Variants in HNRNPF observed in about 807,000 individuals in gnomAD.
HNRNPF encodes HnRNP F protein.
HNRNPF carries 2 observed loss-of-function variants against 26.0 expected under a neutral mutation model. The ratio of observed to expected loss-of-function variants is 0.08; its 90% CI spans 0.03 to 0.24. The LOEUF (loss-of-function observed/expected upper bound fraction) is 0.24. Ranked by LOEUF, HNRNPF falls within the 10% of genes least tolerant of loss-of-function variation. The pLI is 1.00. For missense variants in HNRNPF, 299 were observed against 539.2 expected (o/e 0.55, Z 4.41); for synonymous variants, 234 against 211.5 (o/e 1.11, Z -0.92).
Position 43,387,294 on chromosome 10 carries a change from G to C in HNRNPF, c.591C>G (p.Pro197=). 4 of 1,614,238 alleles carry C rather than the reference G, an allele frequency of 2.5e-6. No individual in the cohort carries two copies. Among genetic ancestry groups the C allele is most frequent in the Non-Finnish European group, 3.4e-6 (4 of 1,180,044 alleles). Residue 197 remains proline (P), a synonymous_variant, in exon 4 of 4, where the codon CCC becomes CCG. Transcript: ENST00000682386. This position sits in a 1 kb window ranked among gnomAD's most constrained non-coding sequence, Gnocchi z 6.0. ...GCTGCACGGACATGAACTTCAGAGG[G>C]GGATCTGAGTATGACCTAACTTCCT... ...SQEEVRSYSD[P]PLKFMSVQRP...
At chr10:43,399,527 A>G (rs1195957974) in intron 1 of HNRNPF, among the ~76,000 whole-genome samples, 2 of 152,204 alleles carry the variant, frequency 1.3e-5, no homozygotes, top group African/African-American at 4.8e-5. Context: ...ATAGCCTTAA[A>G]GGCCTGGTTT....
chr10:43,386,616 ACTCAAATGTTC>A lies in HNRNPF; in HGVS notation c.*10_*20del. The A allele has an allele frequency of 6.6e-7, 1 of 1,516,740 alleles. No individual in the cohort carries two copies. Among genetic ancestry groups the A allele is most frequent in the Non-Finnish European group, 8.8e-7 (1 of 1,136,816 alleles). 94.0% of individuals were successfully genotyped at this position (1,516,740 alleles called of 1,614,324 possible). A position where few individuals can be genotyped will look rare whatever the true frequency, so the allele number is the denominator to read the frequency against. On this transcript the variant is annotated 3_prime_UTR_variant, in exon 4 of 4. Coordinates refer to ENST00000682386, the MANE Select transcript of HNRNPF (RefSeq NM_001098204.2). ...GCTGCCTGTGAAAATGATTGAAGTA[ACTCAAATGTTC>A]CTAACAAAACTAGTCATAGCCACCC... is the stretch of plus-strand genomic sequence containing the variant.
At chr10:43,407,737 T>C (rs895142741) in intron 1 of HNRNPF, 1 of 151,264 alleles carries the variant, frequency 6.6e-6, no homozygotes, top group African/African-American at 2.4e-5. Context: ...AGGAGACCAA[T>C]ACAGGGACCG....
At chr10:43,388,761 A>C (rs1014615772) in intron 3 of HNRNPF, among the ~76,000 whole-genome samples, 6 of 152,214 alleles carry the variant, frequency 3.9e-5, no homozygotes, top group Non-Finnish European at 7.3e-5. Context: ...AGGGTGGTAC[A>C]TGGCACCTGA....
In HNRNPF at chr10:43,387,971, G is replaced by A; in HGVS notation, c.-52-35C>T. On this transcript the variant is annotated intron_variant, in intron 3 of 3. Transcript: ENST00000682386. This position sits in a 1 kb window ranked among gnomAD's most constrained non-coding sequence, Gnocchi z 6.0. ...AAAAAAAGAAAAATTTATTTAGTAT[G>A]CAACAGAAATTTTCCCCATTTTACA... 1 of 1,174,052 alleles carries A rather than the reference G, an allele frequency of 8.5e-7. No individual in the cohort carries two copies. The highest frequency in any genetic ancestry group is 2.6e-5 in the Admixed American group (1 of 38,360). 72.7% of individuals were successfully genotyped at this position (1,174,052 alleles called of 1,614,324 possible).
chr10:43,390,989 C>T (rs1838221669), intron 3 of HNRNPF, among the ~76,000 whole-genome samples: 1 of 152,028 alleles, frequency 6.6e-6, no homozygotes, highest in South Asian at 2.1e-4. Context: ...TAATGCTGCC[C>T]CCAAGTTGTG....
chr10:43,395,495 C>T (rs772411310), intron 2 of HNRNPF, among the ~76,000 whole-genome samples: 1 of 152,154 alleles, frequency 6.6e-6, no homozygotes, highest in Non-Finnish European at 1.5e-5. Flanking sequence ...GTAAAACCAG[C>T]TAATTATGCT....
chr10:43,406,856 C>A (rs1385936751), intron 1 of HNRNPF, among the ~76,000 whole-genome samples: 1 of 152,078 alleles, frequency 6.6e-6, no homozygotes, highest in Non-Finnish European at 1.5e-5. Context: ...GTAATACCTA[C>A]AAGGGAAAAG....
intron 3 of HNRNPF, among the ~76,000 whole-genome samples, chr10:43,389,647 T>C (rs1396763963): frequency 6.6e-6 from 1 of 152,234 alleles, no homozygotes; most frequent in East Asian, 1.9e-4. Flanking sequence ...AAGATGTGTC[T>C]CCTCTCCCAA....
chr10:43,403,063 T>G (rs1838802274), intron 1 of HNRNPF, among the ~76,000 whole-genome samples: 1 of 152,186 alleles, frequency 6.6e-6, no homozygotes, highest in Non-Finnish European at 1.5e-5. Flanking sequence ...CAGGCTTATC[T>G]TGAACTCCTG....
chr10:43,400,210 G>GA (rs375038758), intron 1 of HNRNPF, among the ~76,000 whole-genome samples: 8 of 151,396 alleles, frequency 5.3e-5, no homozygotes, highest in African/African-American at 1.9e-4. Context: ...AAAACTGAGG[G>GA]AAAAAAAAGA....
chr10:43,405,938 G>A (rs568235394), intron 1 of HNRNPF, among the ~76,000 whole-genome samples: 303 of 152,144 alleles, frequency 2.0e-3, no homozygotes, highest in African/African-American at 7.1e-3. Flanking sequence ...TGGCAGGGGA[G>A]GGGTGTCCCG....
chr10:43,396,110 G>T (rs1337790467), intron 2 of HNRNPF, among the ~76,000 whole-genome samples: 1 of 152,208 alleles, frequency 6.6e-6, no homozygotes, highest in Non-Finnish European at 1.5e-5. Flanking sequence ...GCTCCCGAAC[G>T]AGCTCTTCGC....
Position 43,387,453 on chromosome 10 carries a change from A to G in HNRNPF, c.432T>C (p.Pro144=), listed in dbSNP as rs750385302. Residue 144 remains proline (P), a synonymous_variant, in exon 4 of 4, where the codon CCT becomes CCC. Coordinates refer to ENST00000682386, the MANE Select transcript of HNRNPF (RefSeq NM_001098204.2). The surrounding 1 kb of genome is among the most constrained non-coding windows in gnomAD (Gnocchi z 6.0). ...CTGTAATCTTGCCTTCGGGGTCCAC[A>G]GGCAATGTGATCCCGTTTGGCACAA... ...LEIVPNGITL[P]VDPEGKITGE... 22 of 1,614,122 alleles carry G rather than the reference A, an allele frequency of 1.4e-5. 1 individual carries two copies. The South Asian group carries it at 1.6e-4, about 12-fold the overall frequency.
chr10:43,389,944 A>G (rs1047997010), intron 3 of HNRNPF, among the ~76,000 whole-genome samples: 2 of 152,192 alleles, frequency 1.3e-5, no homozygotes, highest in African/African-American at 2.4e-5. Flanking sequence ...TGAACGGCAA[A>G]TGATTGGGCA....
At chr10:43,403,087 A>G (rs1307031929) in intron 1 of HNRNPF, among the ~76,000 whole-genome samples, 1 of 152,084 alleles carries the variant, frequency 6.6e-6, no homozygotes, top group African/African-American at 2.4e-5. Context: ...TCAAACCATC[A>G]TTCCACTCTC....
chr10:43,407,490 A>G (rs966868772), intron 1 of HNRNPF, among the ~76,000 whole-genome samples: 1 of 151,496 alleles, frequency 6.6e-6, no homozygotes, highest in African/African-American at 2.4e-5. Flanking sequence ...CCTTGGGGGG[A>G]GGGCGAGTCG....
At chr10:43,401,498 G>A (rs185711835) in intron 1 of HNRNPF, among the ~76,000 whole-genome samples, 86 of 152,138 alleles carry the variant, frequency 5.7e-4, no homozygotes, top group African/African-American at 1.5e-3. Flanking sequence ...TCCTTAAAAC[G>A]TTAATAAAAA....
At position 43,386,548 on chromosome 10, in the gene HNRNPF, T is replaced by C. The variant is rs540504138; in HGVS notation, c.*89A>G. 4.0e-4 allele frequency: 495 copies of C among 1,239,582 alleles called. 2 individuals are homozygous for C. The highest frequency in any genetic ancestry group is 3.6e-3 in the Middle Eastern group (18 of 4,932). 76.8% of individuals were successfully genotyped at this position (1,239,582 alleles called of 1,614,324 possible). ...TCACAAACTCATGGTGCAAAATGGG[T>C]CCCCCAGCTTCCTCTATTATAACTG... On this transcript the variant is annotated 3_prime_UTR_variant, in exon 4 of 4. Coordinates refer to ENST00000682386, the MANE Select transcript of HNRNPF (RefSeq NM_001098204.2).
Sources: allele counts gnomAD v4.1 joint callset (sites outside exome capture counted in the v4.1 genomes callset), GRCh38; gene constraint gnomAD v4.1.1; non-coding constraint Gnocchi (gnomAD v3.1); transcripts MANE v1.5; gene names NCBI Gene and HGNC (gene_info 2026-07-23, HGNC 2026-07-21).